The following RGS7BP variants were observed in gnomAD, a reference collection of about 807,000 sequenced individuals.
RGS7BP encodes regulator of G protein signaling 7 binding protein.
A neutral mutation model predicts 31.3 loss-of-function variants in RGS7BP; 9 were observed. The observed-to-expected ratio is 0.29, with a 90% CI of 0.17 to 0.50. The LOEUF (loss-of-function observed/expected upper bound fraction) is 0.50, where lower values mean the gene tolerates loss of function less well. Among genes scored for constraint, RGS7BP ranks in the 20% least tolerant of loss-of-function variants. The pLI is 0.98. For missense variants in RGS7BP, 274 were observed against 322.0 expected (o/e 0.85, Z 1.14); for synonymous variants, 115 against 120.1 (o/e 0.96, Z 0.28).
intron 2 of RGS7BP, among the ~76,000 whole-genome samples, chr5:64,516,392 G>A (rs1748976612): frequency 6.6e-6 from 1 of 151,808 alleles, no homozygotes; most frequent in South Asian, 2.1e-4. Flanking sequence ...CCATTTCTGT[G>A]GCCACCTGTT....
intron 3 of RGS7BP, among the ~76,000 whole-genome samples, chr5:64,582,509 C>T (rs1426242642): frequency 6.6e-6 from 1 of 152,194 alleles, no homozygotes; most frequent in African/African-American, 2.4e-5. Context: ...TCTGCCATAG[C>T]TTACAGCAAA....
chr5:64,548,696 G>A (rs1402391228), intron 2 of RGS7BP, among the ~76,000 whole-genome samples: 1 of 151,794 alleles, frequency 6.6e-6, no homozygotes, highest in Non-Finnish European at 1.5e-5. Context: ...TAGTAGAGAC[G>A]GGGTTTCATC....
At chr5:64,545,700 C>G (rs2061532) in intron 2 of RGS7BP, among the ~76,000 whole-genome samples, 110,716 of 152,044 alleles carry the variant, frequency 0.73, 40,632 homozygotes, top group Admixed American at 0.77. Context: ...GAAAAGAAGG[C>G]AATAAATTAA....
chr5:64,510,116 G>T (rs1748792858), intron 2 of RGS7BP, among the ~76,000 whole-genome samples: 1 of 152,170 alleles, frequency 6.6e-6, no homozygotes, highest in Non-Finnish European at 1.5e-5. Context: ...AAAAGCAAAG[G>T]TTTTTGGCGA....
chr5:64,559,583 C>T (rs1436860357), intron 2 of RGS7BP, among the ~76,000 whole-genome samples: 1 of 151,790 alleles, frequency 6.6e-6, no homozygotes, highest in Non-Finnish European at 1.5e-5. Context: ...ACACCTTAGC[C>T]AATGTTATAG....
intron 5 of RGS7BP, among the ~76,000 whole-genome samples, chr5:64,599,111 G>A (rs1447207976): frequency 1.3e-5 from 2 of 152,176 alleles, no homozygotes; most frequent in Admixed American, 1.3e-4. Flanking sequence ...TGTATCCTCA[G>A]TATCTGGAGC....
chr5:64,559,036 C>T (rs1340165444), intron 2 of RGS7BP, among the ~76,000 whole-genome samples: 1 of 152,190 alleles, frequency 6.6e-6, no homozygotes, highest in Non-Finnish European at 1.5e-5. Context: ...TAGTTTTGCC[C>T]TGACCTTGTG....
intron 2 of RGS7BP, among the ~76,000 whole-genome samples, chr5:64,566,047 G>C (rs546295225): frequency 6.6e-6 from 1 of 152,062 alleles, no homozygotes; most frequent in Non-Finnish European, 1.5e-5. Flanking sequence ...ACTGCAAAAG[G>C]CTGGGGAAGA....
chr5:64,572,918 T>C (rs1742332323), intron 2 of RGS7BP, among the ~76,000 whole-genome samples: 1 of 150,362 alleles, frequency 6.7e-6, no homozygotes, highest in Non-Finnish European at 1.5e-5. Flanking sequence ...GCTGCACCCA[T>C]TAACTCGTCA....
intron 2 of RGS7BP, among the ~76,000 whole-genome samples, chr5:64,536,694 T>C (rs1741378303): frequency 6.6e-6 from 1 of 152,256 alleles, no homozygotes; most frequent in Non-Finnish European, 1.5e-5. Context: ...TATTGACTAA[T>C]GCCTTGTTTA....
At chr5:64,519,291 C>T (rs1352682361) in intron 2 of RGS7BP, among the ~76,000 whole-genome samples, 2 of 152,180 alleles carry the variant, frequency 1.3e-5, no homozygotes, top group Non-Finnish European at 2.9e-5. Flanking sequence ...AAACGTTGAA[C>T]ACGTATTATG....
In RGS7BP at chr5:64,585,421, G is replaced by A. The variant is rs1291825384; in HGVS notation, c.464-9289G>A. Among the ~76,000 whole-genome samples the A allele has an allele frequency of 2.6e-5, 4 of 152,086 alleles. No homozygotes were observed. The East Asian group carries it at 7.8e-4, about 29-fold the overall frequency. On this transcript the variant is annotated intron_variant, in intron 3 of 5. Transcript: ENST00000334025. ...GTCACTGGCAAGCTGAAGACAGGCA[G>A]GAAAGCAAGAAGGAATGGAAGGGGC...
At chr5:64,553,516 T>TC (rs1741846719) in intron 2 of RGS7BP, among the ~76,000 whole-genome samples, 1 of 152,100 alleles carries the variant, frequency 6.6e-6, no homozygotes, top group African/African-American at 2.4e-5. Flanking sequence ...TTCTTTCTTT[T>TC]CTTTCAAAAT....
At chr5:64,575,598 GACTT>G in intron 2 of RGS7BP, 172 bp from the exon 3 acceptor site, 1 of 1,207,506 alleles carries the variant, frequency 8.3e-7, no homozygotes, top group Non-Finnish European at 1.1e-6. Context: ...GTCAGAAAGA[GACTT>G]ACATAAGAAC....
chr5:64,545,766 C>T (rs1054514802), intron 2 of RGS7BP, among the ~76,000 whole-genome samples: 6 of 152,054 alleles, frequency 3.9e-5, no homozygotes, highest in African/African-American at 9.7e-5. Flanking sequence ...AATGGGAATG[C>T]GATTCATTGA....
intron 2 of RGS7BP, among the ~76,000 whole-genome samples, chr5:64,525,282 C>T (rs1298235934): frequency 6.6e-6 from 1 of 152,106 alleles, no homozygotes; most frequent in African/African-American, 2.4e-5. Flanking sequence ...AGCGTCTCCA[C>T]CCTAGCTCAG....
chr5:64,586,771 C>A (rs1198619236), intron 3 of RGS7BP, among the ~76,000 whole-genome samples: 1 of 152,158 alleles, frequency 6.6e-6, no homozygotes, highest in Non-Finnish European at 1.5e-5. Flanking sequence ...TGCTTTAGTT[C>A]TGTATCTATT....
chr5:64,607,423 G>A (rs78987826), intron 5 of RGS7BP, among the ~76,000 whole-genome samples: 95 of 152,096 alleles, frequency 6.2e-4, no homozygotes, highest in African/African-American at 2.2e-3. Flanking sequence ...GACATTAATC[G>A]ATACACATAA....
chr5:64,589,996 G>A (rs1468775567), intron 3 of RGS7BP, among the ~76,000 whole-genome samples: 21 of 149,436 alleles, frequency 1.4e-4, no homozygotes, highest in African/African-American at 4.9e-4. Context: ...AATTTAAAAA[G>A]AAATGATAAA....
Sources: allele counts gnomAD v4.1 joint callset (sites outside exome capture counted in the v4.1 genomes callset), GRCh38; gene constraint gnomAD v4.1.1; transcripts MANE v1.5; gene names NCBI Gene and HGNC (gene_info 2026-07-23, HGNC 2026-07-21).